Variants in IGLL5 observed in about 807,000 individuals in gnomAD.
IGLL5 encodes the protein immunoglobulin lambda like polypeptide 5.
In IGLL5, 30 loss-of-function variants were observed where a neutral mutation model predicts 20.9. The observed-to-expected ratio is 1.44, with a 90% CI of 1.07 to 1.95. The LOEUF (loss-of-function observed/expected upper bound fraction) is 1.95. IGLL5 is among the 30% of genes most tolerant of loss of function. IGLL5 has a pLI of 0.00. For synonymous variants in IGLL5, 203 were observed against 117.3 expected (o/e 1.73, Z -4.72); for missense variants, 475 against 270.7 (o/e 1.75, Z -5.30).
intron 1 of IGLL5, among the ~76,000 whole-genome samples, chr22:22,890,734 T>G (rs1489658827): frequency 6.6e-6 from 1 of 151,056 alleles, no homozygotes; most frequent in East Asian, 2.0e-4. Context: ...CTCCGGTGAA[T>G]GGTAGTGCCT....
chr22:22,893,262 T>C (rs2067903924), intron 1 of IGLL5, among the ~76,000 whole-genome samples: 1 of 151,178 alleles, frequency 6.6e-6, no homozygotes, highest in African/African-American at 2.4e-5. Flanking sequence ...ATGCACTAAG[T>C]GGGACTGAAC....
At chr22:22,888,661 G>T (rs1395681842) in intron 1 of IGLL5, among the ~76,000 whole-genome samples, 1 of 151,282 alleles carries the variant, frequency 6.6e-6, no homozygotes, top group Non-Finnish European at 1.5e-5. Context: ...TGTGCCTCCT[G>T]CCCAGTGAGG....
Position 22,893,870 on chromosome 22 carries a change from A to G in IGLL5, c.325+52A>G, listed in dbSNP as rs183687085. ...CTGTCTCACCCTCTGCTGTCCCTGG[A>G]AAATCTGTTTTCTCTCTCTGGGGCT... On this transcript the variant is annotated intron_variant, in intron 2 of 2. Coordinates refer to ENST00000526893, the MANE Select transcript of IGLL5 (RefSeq NM_001178126.2). 1.7e-5 allele frequency: 21 copies of G among 1,264,746 alleles called. 2 individuals are homozygous for G. Among genetic ancestry groups the G allele is most frequent in the Middle Eastern group, 1.9e-4 (1 of 5,358 alleles). The allele number at this position is 1,264,746 out of a possible 1,614,324, so 78.3% of individuals were successfully genotyped here. A position where few individuals can be genotyped will look rare whatever the true frequency, so the allele number is the denominator to read the frequency against.
rs570951413 is a variant in IGLL5, at chr22:22,887,928, G to A, written c.-126G>A. On this transcript the variant is annotated 5_prime_UTR_variant, in exon 1 of 3. Transcript: ENST00000526893. ...GGACAGGGACCAGAGCCAGTCCAGG[G>A]AGAGGACAGAGCCAATGGACTGGGG... 5.1e-6 allele frequency: 4 copies of A among 789,504 alleles called. No homozygotes were observed. The highest frequency in any genetic ancestry group is 5.4e-5 in the East Asian group (2 of 37,260). 48.9% of individuals were successfully genotyped at this position (789,504 alleles called of 1,614,324 possible). A position where few individuals can be genotyped will look rare whatever the true frequency, so the allele number is the denominator to read the frequency against.
rs1474685730 is a variant in IGLL5, at chr22:22,888,076, T to A, written c.23T>A (p.Val8Glu). 2 of 1,549,176 alleles carry A rather than the reference T, an allele frequency of 1.3e-6. No homozygotes were observed. The highest frequency in any genetic ancestry group is 2.5e-5 in the East Asian group (1 of 40,652). The change falls in exon 1 of 3, where the codon GTG becomes GAG. Residue 8 changes from valine to glutamate, a missense_variant. By Grantham distance (121) the Val-to-Glu change is moderately radical. Coordinates refer to ENST00000526893, the MANE Select transcript of IGLL5 (RefSeq NM_001178126.2). ...CCAATGAGACCCAAGACAGGCCAAG[T>A]GGGTTGTGAGACCCCTGAGGAGCTG... The part of the protein sequence containing the change: MRPKTGQ[V>E]GCETPEELGP...
chr22:22,888,884 T>G (rs182419011), intron 1 of IGLL5, among the ~76,000 whole-genome samples: 3 of 151,362 alleles, frequency 2.0e-5, no homozygotes, highest in Admixed American at 6.6e-5. Context: ...TCTGGGATGA[T>G]GCCCAGGCTG....
chr22:22,888,814 C>T lies in IGLL5; in HGVS notation c.206+555C>T, dbSNP rs1462158069. The stretch of plus-strand genomic sequence containing the variant: ...GTGGGATGAACCGAGGGGAGCTGTC[C>T]AGTCATTGGAACAGGCCCACGGCCC... On this transcript the variant is annotated intron_variant, in intron 1 of 2. Coordinates refer to ENST00000526893, the MANE Select transcript of IGLL5 (RefSeq NM_001178126.2). Among the ~76,000 whole-genome samples, 7 of 151,374 alleles carry T rather than the reference C, an allele frequency of 4.6e-5. No individual in the cohort carries two copies. In the East Asian group the frequency reaches 6.1e-4, roughly 13 times the overall value.
intron 2 of IGLL5, among the ~76,000 whole-genome samples, chr22:22,894,173 C>T (rs1569087403): frequency 3.3e-5 from 5 of 151,478 alleles, no homozygotes; most frequent in East Asian, 2.0e-4. Flanking sequence ...GGGTCAAGGA[C>T]AGAGGCTGCT....
chr22:22,888,604 C>A (rs576809334), intron 1 of IGLL5, among the ~76,000 whole-genome samples: 1 of 151,256 alleles, frequency 6.6e-6, no homozygotes, highest in South Asian at 2.1e-4. Context: ...GGCCACTGTC[C>A]CCACAGGGTG....
At chr22:22,888,373 C>A in intron 1 of IGLL5, 114 bp downstream of exon 1, 4 of 884,928 alleles carry the variant, frequency 4.5e-6, no homozygotes, top group South Asian at 3.4e-5. Context: ...CTAAGAGGGG[C>A]CTGGGCTGAC....
At position 22,888,184 on chromosome 22, in the gene IGLL5, C is replaced by T. The variant is rs538723125; in HGVS notation, c.131C>T (p.Ala44Val). The T allele has an allele frequency of 1.8e-5, 28 of 1,548,880 alleles. No individual in the cohort carries two copies. Among genetic ancestry groups the T allele is most frequent in the African/African-American group, 6.9e-5 (5 of 72,890 alleles). ...VAHGLLRPMV[A>V]PQSGDPDPGA... ...CATGGCCTGCTGCGCCCAATGGTTG[C>T]ACCGCAAAGCGGGGACCCAGACCCT... The change falls in exon 1 of 3, where the codon GCA becomes GTA. Residue 44 changes from alanine (A) to valine (V), a missense_variant. Ala to Val is a moderately conservative substitution (Grantham distance 64). Coordinates refer to ENST00000526893, the MANE Select transcript of IGLL5 (RefSeq NM_001178126.2).
At chr22:22,889,338 T>C (rs2067708598) in intron 1 of IGLL5, among the ~76,000 whole-genome samples, 1 of 151,024 alleles carries the variant, frequency 6.6e-6, no homozygotes, top group Admixed American at 6.6e-5. Flanking sequence ...GGGGACTGTC[T>C]ATGGGCATTA....
At chr22:22,889,100 T>A (rs2067685900) in intron 1 of IGLL5, among the ~76,000 whole-genome samples, 1 of 151,098 alleles carries the variant, frequency 6.6e-6, no homozygotes, top group Admixed American at 6.6e-5. Context: ...GAGTCAGATT[T>A]GTGTTTTTGG....
intron 1 of IGLL5, 25 bp downstream of exon 1, chr22:22,888,284 A>G (rs1356232920): frequency 7.1e-6 from 11 of 1,542,284 alleles, no homozygotes; most frequent in East Asian, 4.9e-5. Context: ...ATTCCAGGGG[A>G]TGTGGGGGTC....
chr22:22,888,166 T>A lies in IGLL5; in HGVS notation c.113T>A (p.Leu38Gln), dbSNP rs777043119. 4 of 1,549,146 alleles carry A rather than the reference T, an allele frequency of 2.6e-6. No homozygotes were observed. The highest frequency in any genetic ancestry group is 4.9e-5 in the East Asian group (2 of 40,626). ...LLGLAMVAHG[L>Q]LRPMVAPQSG... ...GGTCTGGCCATGGTCGCCCATGGCCTGCTGCGCCCAATGGTTGCACCGCAA... is the reference window on the plus strand; with the variant it reads ...GGTCTGGCCATGGTCGCCCATGGCCAGCTGCGCCCAATGGTTGCACCGCAA... Residue 38 changes from leucine to glutamine, a missense_variant, in exon 1 of 3, where the codon CTG becomes CAG. Physicochemically the swap from Leu to Gln is moderately radical, Grantham distance 113. Coordinates refer to ENST00000526893, the MANE Select transcript of IGLL5 (RefSeq NM_001178126.2).
chr22:22,894,561 G>A (rs2066667982), intron 2 of IGLL5, among the ~76,000 whole-genome samples: 1 of 151,428 alleles, frequency 6.6e-6, no homozygotes, highest in Non-Finnish European at 1.5e-5. Flanking sequence ...TCGGCCTCCT[G>A]CCTTCCTCAA....
chr22:22,888,542 C>G (rs189919546), intron 1 of IGLL5, among the ~76,000 whole-genome samples: 4 of 151,358 alleles, frequency 2.6e-5, no homozygotes, highest in East Asian at 2.0e-4. Flanking sequence ...AGTCCTAGTC[C>G]TCTGGGTAGG....
chr22:22,895,017 T>C (rs1601629905), intron 2 of IGLL5, among the ~76,000 whole-genome samples: 1 of 149,392 alleles, frequency 6.7e-6, no homozygotes, highest in Non-Finnish European at 1.5e-5. Context: ...TGGAGGGGGG[T>C]ATAGGGATGG....
At chr22:22,894,201 TGCTGAGTCTCATAGTCTAGGGGAGCAGC>T (rs2067998383) in intron 2 of IGLL5, among the ~76,000 whole-genome samples, 1 of 151,194 alleles carries the variant, frequency 6.6e-6, no homozygotes. Flanking sequence ...GCCTGGGAGC[TGCTGAGTCTCATAGTCTAGGGGAGCAGC>T]CCCAAGAACA....
Sources: gnomAD v4.1 joint callset for allele counts (sites outside exome capture counted in the v4.1 genomes callset) on GRCh38, gnomAD v4.1.1 for gene constraint, MANE v1.5 for transcripts, NCBI Gene and HGNC (gene_info 2026-07-23, HGNC 2026-07-21) for gene names.